Variants in ARMC2 observed in about 807,000 individuals in gnomAD.
The protein encoded by ARMC2 is armadillo repeat containing 2, also known as armadillo repeat-containing protein 2.
Under a neutral mutation model 90.3 loss-of-function variants are expected in ARMC2, and 67 were observed. The ratio of observed to expected loss-of-function variants is 0.74; its 90% confidence interval spans 0.61 to 0.91. The LOEUF is 0.91. ARMC2 is among the 40% of genes least tolerant of loss of function. The pLI is 0.00. For synonymous variants in ARMC2, 393 were observed against 393.0 expected, an observed-to-expected ratio of 1.00 and a Z score of 0.00; for missense variants, 920 against 1,030.9, an observed-to-expected ratio of 0.89 and a Z score of 1.47.
intron 5 of ARMC2, among the ~76,000 whole-genome samples, chr6:108,882,113 TATAG>T (rs1390876272): frequency 6.6e-6 from 1 of 151,402 alleles, no homozygotes; most frequent in African/African-American, 2.4e-5. Flanking sequence ...TCAGAGAAAT[TATAG>T]ATAATGTGAT....
At chr6:108,992,765 T>G in the ARMC2 span, 1 of 1,385,060 alleles carries the variant, frequency 7.2e-7, no homozygotes, top group South Asian at 1.2e-5. Flanking sequence ...GTCAATCATG[T>G]GCATACAAGT....
chr6:108,883,040 C>T (rs1007520147), intron 5 of ARMC2, among the ~76,000 whole-genome samples: 8 of 152,186 alleles, frequency 5.3e-5, no homozygotes, highest in Non-Finnish European at 8.8e-5. Context: ...GTACATAGTA[C>T]GCACTCAGTG....
At chr6:109,007,342 G>C in the ARMC2 span, among the ~76,000 whole-genome samples, 1 of 152,154 alleles carries the variant, frequency 6.6e-6, no homozygotes. Flanking sequence ...ATCCTTAAGT[G>C]AAATAATGAA....
intron 13 of ARMC2, among the ~76,000 whole-genome samples, 183 bp from the exon 14 acceptor site, chr6:108,961,389 T>G (rs141309851): frequency 1.3e-5 from 2 of 152,268 alleles, no homozygotes; most frequent in African/African-American, 4.8e-5. Flanking sequence ...GCCCTTGCAT[T>G]TGGGGCATTT....
intron 1 of ARMC2, among the ~76,000 whole-genome samples, chr6:108,851,561 C>T (rs1774015827): frequency 6.6e-6 from 1 of 152,122 alleles, no homozygotes; most frequent in South Asian, 2.1e-4. Flanking sequence ...AAGTGCCCCA[C>T]CTCCTACCAG....
chr6:109,046,923 C>T, the ARMC2 span, among the ~76,000 whole-genome samples: 1 of 122,986 alleles, frequency 8.1e-6, no homozygotes, highest in East Asian at 2.3e-4. Context: ...GCCTCTCCGC[C>T]CGGCAGCCAC....
rs576821442 is a variant in ARMC2, at chr6:108,874,857, A to G, written c.464-1286A>G. Among the ~76,000 whole-genome samples, 15 of 151,888 alleles carry G rather than the reference A, an allele frequency of 9.9e-5. No homozygotes were observed. The South Asian group carries it at 2.7e-3, about 27-fold the overall frequency. On this transcript the variant is annotated intron_variant, in intron 4 of 17. Coordinates refer to ENST00000392644, the MANE Select transcript of ARMC2 (RefSeq NM_032131.6). ...TCTTAAAAAAAAAAAAAAGAAGCCT[A>G]GAATCTCTAAGGTTCCTTTCAGTTT... is the stretch of plus-strand genomic sequence containing the variant.
intron 12 of ARMC2, among the ~76,000 whole-genome samples, chr6:108,942,273 TA>T (rs1424958588): frequency 6.6e-6 from 1 of 152,208 alleles, no homozygotes; most frequent in East Asian, 1.9e-4. Flanking sequence ...GCTTCTTCCT[TA>T]AATATGTACT....
Position 108,893,468 on chromosome 6 carries a change from A to G in ARMC2, c.672-999A>G, listed in dbSNP as rs79391609. Among the ~76,000 whole-genome samples the G allele has an allele frequency of 4.2e-3, 636 of 152,290 alleles. 3 individuals are homozygous for G. Among genetic ancestry groups the G allele is most frequent in the African/African-American group, 0.014 (596 of 41,560 alleles). On this transcript the variant is annotated intron_variant, in intron 5 of 17. Coordinates refer to ENST00000392644, the MANE Select transcript of ARMC2 (RefSeq NM_032131.6). ...GTTTCTTTATCTGCAGGGATCGGGG[A>G]AGGGAGGAAGAGAGAAAAAGAGACA...
At chr6:109,039,098 GGGA>G in the ARMC2 span, among the ~76,000 whole-genome samples, 1 of 148,884 alleles carries the variant, frequency 6.7e-6, no homozygotes, top group Admixed American at 6.7e-5. Flanking sequence ...AGGAGAAGGA[GGGA>G]GGAGAAGGAG....
chr6:108,868,940 C>G lies in ARMC2; in HGVS notation c.408C>G (p.Phe136Leu). The change falls in exon 4 of 18, where the codon TTC becomes TTG. Residue 136 changes from phenylalanine to leucine, a missense_variant. By Grantham distance (22) the Phe-to-Leu change is conservative. Coordinates refer to ENST00000392644, the MANE Select transcript of ARMC2 (RefSeq NM_032131.6). ...TAAGCAACGCCAGGGCTCGCTTATT[C>G]AGGGCTGCCTCCCAGCGGGCCCTTC... ...RRVSNARARL[F>L]RAASQRALLP... is the part of the protein sequence containing the mutation. 1 of 1,613,960 alleles carries G rather than the reference C, an allele frequency of 6.2e-7. No individual in the cohort carries two copies. The highest frequency in any genetic ancestry group is 8.5e-7 in the Non-Finnish European group (1 of 1,179,858).
chr6:108,975,336 C>T (rs1365566168), downstream of ARMC2, among the ~76,000 whole-genome samples: 1 of 152,156 alleles, frequency 6.6e-6, no homozygotes, highest in African/African-American at 2.4e-5. Flanking sequence ...GACATGAACT[C>T]ATCCTGATTT....
chr6:109,009,566 G>T, the ARMC2 span: 2 of 1,108,984 alleles, frequency 1.8e-6, no homozygotes, highest in Non-Finnish European at 2.2e-6. Context: ...GGGGGGGCGG[G>T]GCGGCGCCGA....
At chr6:108,889,984 C>G (rs1770796978) in intron 5 of ARMC2, among the ~76,000 whole-genome samples, 1 of 148,398 alleles carries the variant, frequency 6.7e-6, no homozygotes, top group Admixed American at 6.7e-5. Flanking sequence ...GTCAGGAGAT[C>G]GAGACCATCC....
At chr6:108,865,250 T>C (rs1194499858) in intron 3 of ARMC2, among the ~76,000 whole-genome samples, 5 of 152,182 alleles carry the variant, frequency 3.3e-5, no homozygotes, top group African/African-American at 9.7e-5. Flanking sequence ...CCCAAAGTGC[T>C]GGGATTACAG....
intron 17 of ARMC2, 120 bp downstream of exon 17, chr6:108,965,260 A>G: frequency 1.1e-6 from 1 of 892,710 alleles, no homozygotes; most frequent in East Asian, 2.5e-5. Context: ...TATAAGCAAC[A>G]AGAGTATGTT....
intron 17 of ARMC2, among the ~76,000 whole-genome samples, chr6:108,970,579 T>C (rs12194006): frequency 0.2 from 27,664 of 140,300 alleles, 3,056 homozygotes; most frequent in African/African-American, 0.32. Flanking sequence ...CTCACTGCAC[T>C]CTCTGCCTCC....
At chr6:108,934,589 T>C (rs1775814681) in intron 11 of ARMC2, among the ~76,000 whole-genome samples, 1 of 152,170 alleles carries the variant, frequency 6.6e-6, no homozygotes, top group African/African-American at 2.4e-5. Flanking sequence ...TCTTGAAAAG[T>C]TTTAAAAACT....
the ARMC2 span, among the ~76,000 whole-genome samples, chr6:109,017,293 T>C: frequency 6.6e-6 from 1 of 152,168 alleles, no homozygotes; most frequent in African/African-American, 2.4e-5. Flanking sequence ...GTCAAATTTA[T>C]GCATTTCTTT....
Sources: gnomAD v4.1 joint callset for allele counts (sites outside exome capture counted in the v4.1 genomes callset) on GRCh38, gnomAD v4.1.1 for gene constraint, MANE v1.5 for transcripts, NCBI Gene and HGNC (gene_info 2026-07-23, HGNC 2026-07-21) for gene names.